RYR1: variants seen among roughly 807,000 people sequenced by gnomAD.
RYR1 encodes central core disease of muscle.
Under a neutral mutation model 583.5 loss-of-function variants are expected in RYR1, and 342 were observed. That is an observed-to-expected ratio of 0.59 (90% confidence interval 0.54 to 0.64). RYR1 has a LOEUF of 0.64. Among genes scored for constraint, RYR1 ranks in the 30% least tolerant of loss-of-function variants. The probability of loss-of-function intolerance (pLI) is 0.00; values close to 1 mark genes in which losing one functional copy is unlikely to be tolerated. For missense variants in RYR1, 6,032 were observed against 6,917.2 expected, an observed-to-expected ratio of 0.87 and a Z score of 4.54; for synonymous variants, 2,791 against 2,822.5, an observed-to-expected ratio of 0.99 and a Z score of 0.35.
chr19:38,534,913 C>CCCTCAATG, intron 79 of RYR1, 94 bp downstream of exon 79: 1 of 1,367,172 alleles, frequency 7.3e-7, no homozygotes, highest in Non-Finnish European at 1.0e-6. Flanking sequence ...CATTTGCCGC[C>CCCTCAATG]CCTCAATGCC....
Position 38,566,032 on chromosome 19 carries a change from G to GAGAGTGCAGGGCCGGAC in RYR1, c.13437+292_13437+308dup, listed in dbSNP as rs555414362. Among the ~76,000 whole-genome samples the GAGAGTGCAGGGCCGGAC allele has an allele frequency of 6.4e-4, 97 of 151,840 alleles. 1 individual carries two copies. The highest frequency in any genetic ancestry group is 1.7e-3 in the African/African-American group (69 of 41,354). On this transcript the variant is annotated intron_variant, in intron 91 of 105. Coordinates refer to ENST00000359596, the MANE Select transcript of RYR1 (RefSeq NM_000540.3). ...AGACCTGGAGAAAGGGCCGGGGAGA[G>GAGAGTGCAGGGCCGGAC]AGAGTGCAGGGCCGGACAGAGTGCA...
chr19:38,434,653 AGCCG>A (rs1972344711), intron 1 of RYR1, among the ~76,000 whole-genome samples: 2 of 152,142 alleles, frequency 1.3e-5, no homozygotes, highest in South Asian at 4.1e-4. Flanking sequence ...CTCCCAGAAT[AGCCG>A]GCTTTTCTGG....
intron 101 of RYR1, among the ~76,000 whole-genome samples, chr19:38,581,972 T>C (rs746233017): frequency 3.3e-5 from 5 of 152,186 alleles, no homozygotes; most frequent in Non-Finnish European, 7.3e-5. Flanking sequence ...CTGCCACTTA[T>C]GAGCCGTGTG....
chr19:38,475,271 C>T (rs1238348371), intron 28 of RYR1, 47 bp from the exon 29 acceptor site: 8 of 1,550,900 alleles, frequency 5.2e-6, no homozygotes, highest in Middle Eastern at 2.2e-4. Flanking sequence ...GGTGGGAGGG[C>T]TGGGCTTGAA....
intron 1 of RYR1, 59 bp downstream of exon 1, chr19:38,433,933 C>T: frequency 6.9e-7 from 1 of 1,453,422 alleles, no homozygotes; most frequent in Non-Finnish European, 9.7e-7. Context: ...CTGAGGGTCT[C>T]TCTGTCTCTG....
At position 38,511,500 on chromosome 19, in the gene RYR1, C is replaced by T. The variant is rs2960336; in HGVS notation, c.9123-61C>T. 0.06 allele frequency: 94,748 copies of T among 1,572,146 alleles called. 4,437 individuals are homozygous for T. Among genetic ancestry groups the T allele is most frequent in the African/African-American group, 0.21 (15,738 of 74,008 alleles). Reference sequence around the variant, plus strand: ...TCCTCTAATTGGGTCACGCTGTCCTCGTCTCCTTGGCCTCCTCACTCGCTG... The same window carrying T: ...TCCTCTAATTGGGTCACGCTGTCCTTGTCTCCTTGGCCTCCTCACTCGCTG... On this transcript the variant is annotated intron_variant, in intron 60 of 105. Transcript: ENST00000359596.
At chr19:38,585,365 C>T (rs1320556715) in intron 102 of RYR1, among the ~76,000 whole-genome samples, 1 of 136,814 alleles carries the variant, frequency 7.3e-6, no homozygotes, top group Non-Finnish European at 1.5e-5. Context: ...CAATAAAGGC[C>T]TGAGATATAT....
Position 38,496,732 on chromosome 19 carries a change from T to C in RYR1, c.6797-128T>C, listed in dbSNP as rs150503196. The C allele has an allele frequency of 1.1e-3, 1,257 of 1,145,314 alleles. 8 individuals carry two copies. The African/African-American group carries it at 0.011, about 10-fold the overall frequency. 70.9% of individuals were successfully genotyped at this position (1,145,314 alleles called of 1,614,324 possible). A position where few individuals can be genotyped will look rare whatever the true frequency, so the allele number is the denominator to read the frequency against. On this transcript the variant is annotated intron_variant, in intron 41 of 105. Coordinates refer to ENST00000359596, the MANE Select transcript of RYR1 (RefSeq NM_000540.3). This position sits in a 1 kb window ranked among gnomAD's most constrained non-coding sequence, Gnocchi z 4.8. ...GTGACAGCCCAGAGTGGTCAGAGCT[T>C]GGATGAGGGAAGTACAGACCAGAGG...
intron 19 of RYR1, among the ~76,000 whole-genome samples, chr19:38,459,595 G>C (rs1299367869): frequency 6.6e-6 from 1 of 152,002 alleles, no homozygotes; most frequent in East Asian, 1.9e-4. Flanking sequence ...CTCTCCTAGT[G>C]GTCTCTCAAC....
intron 13 of RYR1, among the ~76,000 whole-genome samples, chr19:38,453,222 G>A (rs1020403476): frequency 2.6e-5 from 4 of 151,412 alleles, no homozygotes; most frequent in Admixed American, 6.6e-5. Flanking sequence ...CGGGCCTGCT[G>A]TGCTGGTGGG....
In RYR1 at chr19:38,510,844, T is replaced by C. The variant is rs1970695408; in HGVS notation, c.9122+63T>C. ...TCACAGGATTGTAATCCTTTGCCCA[T>C]GGAGGCTCTGTCCTGGGTGCTGGGT... On this transcript the variant is annotated intron_variant, in intron 60 of 105. Transcript: ENST00000359596. 4 of 1,608,688 alleles carry C rather than the reference T, an allele frequency of 2.5e-6. No homozygotes were observed. The East Asian group carries it at 8.9e-5, about 36-fold the overall frequency.
chr19:38,539,258 T>A lies in RYR1; in HGVS notation c.11689+1298T>A, dbSNP rs1282507735. On this transcript the variant is annotated intron_variant, in intron 84 of 105. Transcript: ENST00000359596. ...TTTTTCTTTTTTTTTTTTTTTTTTT[T>A]AGACAGAGTCTCACTCTTGTCGCCC... Among the ~76,000 whole-genome samples, 3 of 144,230 alleles carry A rather than the reference T, an allele frequency of 2.1e-5. No individual in the cohort carries two copies. The Admixed American group carries it at 2.1e-4, about 10-fold the overall frequency. The allele number at this position is 144,230 out of a possible 152,430, so 94.6% of individuals were successfully genotyped here.
In RYR1 at chr19:38,543,956, A is replaced by G; in HGVS notation, c.12012+81A>G. 7.3e-7 allele frequency: 1 copy of G among 1,375,482 alleles called. No homozygotes were observed. The highest frequency in any genetic ancestry group is 1.0e-6 in the Non-Finnish European group (1 of 989,088). 85.2% of individuals were successfully genotyped at this position (1,375,482 alleles called of 1,614,324 possible). On this transcript the variant is annotated intron_variant, in intron 87 of 105. Coordinates refer to ENST00000359596, the MANE Select transcript of RYR1 (RefSeq NM_000540.3). This position sits in a 1 kb window ranked among gnomAD's most constrained non-coding sequence, Gnocchi z 4.4. Reference sequence around the variant, plus strand: ...ATTTCCAAGTCTTGCCCCTTTGGTCAGTTTGTCACCCGAGTGCTCCCGGCA... The same window carrying G: ...ATTTCCAAGTCTTGCCCCTTTGGTCGGTTTGTCACCCGAGTGCTCCCGGCA...
intron 57 of RYR1, 52 bp downstream of exon 57, chr19:38,507,004 A>G (rs777426358): frequency 2.5e-6 from 4 of 1,611,294 alleles, no homozygotes; most frequent in Middle Eastern, 2.2e-4. Flanking sequence ...CACACCCGGC[A>G]AAGGCTGGAA....
intron 1 of RYR1, among the ~76,000 whole-genome samples, chr19:38,434,505 C>T (rs999119923): frequency 6.6e-6 from 1 of 152,156 alleles, no homozygotes; most frequent in Non-Finnish European, 1.5e-5. Flanking sequence ...ATGTCTCTGT[C>T]TCTTCCTCCA....
intron 101 of RYR1, 122 bp downstream of exon 101, chr19:38,580,626 G>A (rs1032775767): frequency 2.0e-5 from 25 of 1,222,012 alleles, no homozygotes; most frequent in Non-Finnish European, 2.8e-5. Context: ...TCGGGAGGCC[G>A]AGGCGGGACG....
rs781733575 is a variant in RYR1 at position 38,523,133 on chromosome 19, C to T, written c.10347+18C>T. The T allele has an allele frequency of 6.2e-7, 1 of 1,613,470 alleles. No homozygotes were observed. Among genetic ancestry groups the T allele is most frequent in the African/African-American group, 1.3e-5 (1 of 75,020 alleles). Reference sequence around the variant, plus strand: ...AGTCCCACGTGAGTGCCCACCCCAACCGCCCTCCCCACAACCAGAGGAGCC... The same window carrying T: ...AGTCCCACGTGAGTGCCCACCCCAATCGCCCTCCCCACAACCAGAGGAGCC... On this transcript the variant is annotated intron_variant, in intron 68 of 105. Transcript: ENST00000359596.
intron 84 of RYR1, among the ~76,000 whole-genome samples, chr19:38,539,489 T>C (rs1972114657): frequency 6.6e-6 from 1 of 152,062 alleles, no homozygotes; most frequent in Admixed American, 6.6e-5. Flanking sequence ...CCTCCTGCCT[T>C]GGCCTCCTAA....
chr19:38,574,829 G>A (rs1181814363), intron 96 of RYR1, among the ~76,000 whole-genome samples: 2 of 151,930 alleles, frequency 1.3e-5, no homozygotes, highest in Non-Finnish European at 1.5e-5. Context: ...CACGAGGTCA[G>A]GAGATCCAGA....
Sources: allele counts gnomAD v4.1 joint callset (sites outside exome capture counted in the v4.1 genomes callset), GRCh38; gene constraint gnomAD v4.1.1; non-coding constraint Gnocchi (gnomAD v3.1); transcripts MANE v1.5; gene names NCBI Gene and HGNC (gene_info 2026-07-23, HGNC 2026-07-21).